The following GLRA3 variants were observed in gnomAD, a reference collection of about 807,000 sequenced individuals.
GLRA3 encodes the protein glycine receptor alpha 3.
Under a neutral mutation model 60.4 loss-of-function variants are expected in GLRA3, and 44 were observed. That is an observed-to-expected ratio of 0.73 (90% CI 0.57 to 0.94). The LOEUF is 0.94. Ranked by LOEUF, GLRA3 falls within the 40% of genes least tolerant of loss-of-function variation. The probability of loss-of-function intolerance (pLI) is 0.00; values close to 1 mark genes in which losing one functional copy is unlikely to be tolerated. For synonymous variants in GLRA3, 223 were observed against 192.9 expected, an observed-to-expected ratio of 1.16 and a Z score of -1.29; for missense variants, 508 against 564.6, an observed-to-expected ratio of 0.90 and a Z score of 1.02.
At chr4:174,798,648 G>C (rs919775642) in intron 1 of GLRA3, among the ~76,000 whole-genome samples, 12 of 152,224 alleles carry the variant, frequency 7.9e-5, no homozygotes, top group African/African-American at 2.9e-4. Context: ...TTTAAGGCTG[G>C]GCGCGGTGGC....
chr4:174,799,078 T>C (rs903114309), intron 1 of GLRA3, among the ~76,000 whole-genome samples: 4 of 152,136 alleles, frequency 2.6e-5, no homozygotes, highest in Non-Finnish European at 5.9e-5. Context: ...CTACCTGCAG[T>C]TGAATAAGGA....
intron 2 of GLRA3, among the ~76,000 whole-genome samples, chr4:174,783,777 C>T (rs1738995928): frequency 6.6e-6 from 1 of 151,350 alleles, no homozygotes; most frequent in Non-Finnish European, 1.5e-5. Context: ...GAGATACCAT[C>T]TCACACCAGT....
chr4:174,745,308 A>T (rs527776026), intron 3 of GLRA3, among the ~76,000 whole-genome samples: 2 of 152,286 alleles, frequency 1.3e-5, no homozygotes, highest in South Asian at 4.1e-4. Context: ...TCCCCCAAAG[A>T]GATACAATGC....
At chr4:174,660,867 A>G (rs1015120974) in intron 7 of GLRA3, among the ~76,000 whole-genome samples, 1 of 152,152 alleles carries the variant, frequency 6.6e-6, no homozygotes, top group African/African-American at 2.4e-5. Flanking sequence ...TAACATCATT[A>G]TTTATTTTGA....
At chr4:174,783,182 G>T (rs1305207851) in intron 2 of GLRA3, among the ~76,000 whole-genome samples, 1 of 151,528 alleles carries the variant, frequency 6.6e-6, no homozygotes, top group Admixed American at 6.6e-5. Context: ...ACAACTATCT[G>T]ATCTTTGACA....
intron 3 of GLRA3, among the ~76,000 whole-genome samples, chr4:174,739,885 C>A (rs1156913020): frequency 6.6e-6 from 1 of 152,168 alleles, no homozygotes; most frequent in Non-Finnish European, 1.5e-5. Context: ...GAAGGATATG[C>A]TTTCCCAGGC....
chr4:174,655,763 T>C (rs1733171283), intron 9 of GLRA3, among the ~76,000 whole-genome samples: 1 of 151,830 alleles, frequency 6.6e-6, no homozygotes, highest in African/African-American at 2.4e-5. Flanking sequence ...AAGGGAGAAA[T>C]GGATGCTGGG....
intron 4 of GLRA3, among the ~76,000 whole-genome samples, chr4:174,721,043 T>TGTGTG (rs1420138706): frequency 3.1e-4 from 35 of 112,862 alleles, no homozygotes; most frequent in South Asian, 1.3e-3. Context: ...GTGTGTGTGT[T>TGTGTG]TTTGAGATGG....
chr4:174,682,893 T>C lies in GLRA3; in HGVS notation c.621A>G (p.Ala207=). The C allele has an allele frequency of 6.2e-7, 1 of 1,612,556 alleles. No individual in the cohort carries two copies. Among genetic ancestry groups the C allele is most frequent in the Non-Finnish European group, 8.5e-7 (1 of 1,178,554 alleles). The change falls in exon 6 of 10, where the codon GCA becomes GCG. Residue 207 remains alanine, a synonymous_variant. Coordinates refer to ENST00000274093, the MANE Select transcript of GLRA3 (RefSeq NM_006529.4). ...TGAGTCCTTCTGCCACTTGTACGGG[T>C]GCCTCATCTTGCCATTCAAAAATGA... ...NDLIFEWQDE[A]PVQVAEGLTL...
intron 7 of GLRA3, among the ~76,000 whole-genome samples, chr4:174,676,185 ATATTGGGTCTTT>A (rs1331501082): frequency 6.6e-6 from 1 of 152,164 alleles, no homozygotes; most frequent in Non-Finnish European, 1.5e-5. Flanking sequence ...ATGCAAAGCA[ATATTGGGTCTTT>A]TACAAACCTC....
At chr4:174,744,066 G>C (rs578259806) in intron 3 of GLRA3, among the ~76,000 whole-genome samples, 1 of 152,152 alleles carries the variant, frequency 6.6e-6, no homozygotes, top group Admixed American at 6.5e-5. Flanking sequence ...GGAAGGAGAG[G>C]GTTCTTCCCC....
intron 7 of GLRA3, among the ~76,000 whole-genome samples, chr4:174,670,617 G>C (rs565690792): frequency 7.6e-4 from 115 of 152,264 alleles, no homozygotes; most frequent in African/African-American, 2.5e-3. Context: ...TAAAGTTTAT[G>C]ATTCGGCCAT....
chr4:174,814,681 G>A (rs927659002), intron 1 of GLRA3, among the ~76,000 whole-genome samples: 2 of 152,282 alleles, frequency 1.3e-5, no homozygotes, highest in African/African-American at 4.8e-5. Flanking sequence ...GAGAGAGCTT[G>A]TGCAGGGAAA....
chr4:174,780,802 A>G (rs1738836837), intron 2 of GLRA3, among the ~76,000 whole-genome samples: 1 of 152,180 alleles, frequency 6.6e-6, no homozygotes, highest in Admixed American at 6.5e-5. Context: ...AGGAGCACCC[A>G]CATTCATAAA....
At position 174,642,809 on chromosome 4, in the gene GLRA3, T is replaced by A; in HGVS notation, c.*977A>T. On this transcript the variant is annotated 3_prime_UTR_variant, in exon 10 of 10. Transcript: ENST00000274093. ...GAAAATGGTTTTTATTAAAAAATCT[T>A]CCATGAATCCATTTTGTTTTCATTG... The A allele has an allele frequency of 1.2e-6, 1 of 801,710 alleles. No homozygotes were observed. The highest frequency in any genetic ancestry group is 1.5e-6 in the Non-Finnish European group (1 of 662,616). The allele number at this position is 801,710 out of a possible 1,614,324, so 49.7% of individuals were successfully genotyped here.
Position 174,668,944 on chromosome 4 carries a change from T to C in GLRA3, c.927+8134A>G, listed in dbSNP as rs532255969. Among the ~76,000 whole-genome samples the C allele has an allele frequency of 7.2e-5, 11 of 152,240 alleles. No homozygotes were observed. The South Asian group carries it at 1.9e-3, about 26-fold the overall frequency. Reference sequence around the variant, plus strand: ...ATTCAATCCTGGTGGATTGCCCTAGTTCCTCAGAAATGTCAAGTAAACTGT... The same window carrying C: ...ATTCAATCCTGGTGGATTGCCCTAGCTCCTCAGAAATGTCAAGTAAACTGT... On this transcript the variant is annotated intron_variant, in intron 7 of 9. Transcript: ENST00000274093.
intron 2 of GLRA3, among the ~76,000 whole-genome samples, chr4:174,767,779 A>C (rs1366322789): frequency 6.6e-6 from 1 of 152,116 alleles, no homozygotes; most frequent in Non-Finnish European, 1.5e-5. Flanking sequence ...GATGTCCACC[A>C]GAAGTGAGAT....
intron 3 of GLRA3, among the ~76,000 whole-genome samples, chr4:174,736,860 C>T (rs1736811275): frequency 6.6e-6 from 1 of 151,976 alleles, no homozygotes; most frequent in South Asian, 2.1e-4. Flanking sequence ...AATATGAAAA[C>T]AATAGCTACT....
intron 1 of GLRA3, among the ~76,000 whole-genome samples, chr4:174,802,326 C>T (rs543870269): frequency 1.3e-5 from 2 of 152,124 alleles, no homozygotes; most frequent in Admixed American, 1.3e-4. Context: ...GTCTCATCTA[C>T]GTTCCTTTCT....
Sources: gnomAD v4.1 joint callset for allele counts (sites outside exome capture counted in the v4.1 genomes callset) on GRCh38, gnomAD v4.1.1 for gene constraint, MANE v1.5 for transcripts, NCBI Gene and HGNC (gene_info 2026-07-23, HGNC 2026-07-21) for gene names.